NKAIN2: variants seen among roughly 807,000 people sequenced by gnomAD.
NKAIN2 encodes sodium/potassium-transporting ATPase subunit beta-1-interacting protein 2.
NKAIN2 carries 14 observed loss-of-function variants against 32.6 expected under a neutral mutation model. The observed-to-expected ratio is 0.43, with a 90% CI of 0.28 to 0.67. The LOEUF (loss-of-function observed/expected upper bound fraction) is 0.67, where lower values mean the gene tolerates loss of function less well. NKAIN2 is among the 30% of genes least tolerant of loss of function. NKAIN2 has a pLI of 0.17. For missense variants in NKAIN2, 198 were observed against 258.3 expected (o/e 0.77, Z 1.60); for synonymous variants, 80 against 87.2 (o/e 0.92, Z 0.46).
intron 5 of NKAIN2, among the ~76,000 whole-genome samples, chr6:124,799,102 AGAGT>A (rs1216386299): frequency 1.3e-5 from 2 of 152,228 alleles, no homozygotes; most frequent in African/African-American, 4.8e-5. Flanking sequence ...TTTCTAAACA[AGAGT>A]AAGAAAGACA....
chr6:124,813,402 C>T (rs925105627), intron 5 of NKAIN2, among the ~76,000 whole-genome samples: 4 of 152,022 alleles, frequency 2.6e-5, no homozygotes, highest in Admixed American at 6.6e-5. Context: ...GAACAAATAA[C>T]AGAAGGAGGA....
At chr6:123,831,019 T>A (rs1774357599) in intron 1 of NKAIN2, among the ~76,000 whole-genome samples, 1 of 152,228 alleles carries the variant, frequency 6.6e-6, no homozygotes, top group South Asian at 2.1e-4. Context: ...TATTTAAGGT[T>A]ACTTTATGGA....
chr6:124,239,678 A>C (rs1238747253), intron 1 of NKAIN2, among the ~76,000 whole-genome samples: 2 of 152,214 alleles, frequency 1.3e-5, no homozygotes, highest in African/African-American at 4.8e-5. Flanking sequence ...GCAGAAATAA[A>C]GATGTTCTTT....
At chr6:124,589,295 A>G (rs1781823264) in intron 3 of NKAIN2, among the ~76,000 whole-genome samples, 2 of 152,240 alleles carry the variant, frequency 1.3e-5, no homozygotes. Context: ...AGAATTCAAT[A>G]AGTGAATTTT....
At chr6:124,485,433 C>CA (rs1355883168) in intron 3 of NKAIN2, among the ~76,000 whole-genome samples, 1 of 151,322 alleles carries the variant, frequency 6.6e-6, no homozygotes. Context: ...ATTTCTCATT[C>CA]AAAAAAAATT....
intron 1 of NKAIN2, among the ~76,000 whole-genome samples, chr6:123,864,547 T>C (rs942834424): frequency 1.3e-5 from 2 of 152,078 alleles, no homozygotes; most frequent in African/African-American, 4.8e-5. Flanking sequence ...GAGATGTGGA[T>C]GTGGGAAGGT....
At chr6:124,361,863 A>G (rs1799304531) in intron 3 of NKAIN2, among the ~76,000 whole-genome samples, 1 of 152,126 alleles carries the variant, frequency 6.6e-6, no homozygotes, top group South Asian at 2.1e-4. Flanking sequence ...CAACAATGTC[A>G]GTTTTATTTC....
intron 5 of NKAIN2, among the ~76,000 whole-genome samples, chr6:124,804,722 G>A (rs1010830203): frequency 3.3e-5 from 5 of 152,224 alleles, no homozygotes; most frequent in Non-Finnish European, 1.5e-5. Context: ...AAGGGATCAG[G>A]GAGTTCCCTT....
At chr6:124,346,821 T>G (rs1367161264) in intron 2 of NKAIN2, among the ~76,000 whole-genome samples, 1 of 151,958 alleles carries the variant, frequency 6.6e-6, no homozygotes, top group Non-Finnish European at 1.5e-5. Flanking sequence ...ATTGGAGCAT[T>G]TAGTCCATTT....
intron 1 of NKAIN2, among the ~76,000 whole-genome samples, chr6:124,171,852 C>CTT (rs1205322762): frequency 1.2e-4 from 16 of 136,246 alleles, no homozygotes; most frequent in African/African-American, 3.2e-4. Flanking sequence ...GCGGCCGACT[C>CTT]TTTTTTTTTT....
rs936580180 is a variant in NKAIN2, at chr6:124,589,772, T to C, written c.274-68414T>C. ...GTTTGCTGCACCTATCAACTCGTCA[T>C]CTAGGTTTTAAGCCCTGCATGCATT... On this transcript the variant is annotated intron_variant, in intron 3 of 6. Coordinates refer to ENST00000368417, the MANE Select transcript of NKAIN2 (RefSeq NM_001040214.3). Among the ~76,000 whole-genome samples, 9 of 152,234 alleles carry C rather than the reference T, an allele frequency of 5.9e-5. No individual in the cohort carries two copies. In the Middle Eastern group the frequency reaches 0.01, roughly 173 times the overall value.
chr6:124,684,195 G>C (rs1205700873), intron 4 of NKAIN2, among the ~76,000 whole-genome samples: 1 of 152,122 alleles, frequency 6.6e-6, no homozygotes, highest in African/African-American at 2.4e-5. Flanking sequence ...ATACATGTCT[G>C]CTCGAAATTT....
intron 1 of NKAIN2, among the ~76,000 whole-genome samples, chr6:123,990,737 T>G (rs1315542051): frequency 6.6e-6 from 1 of 152,224 alleles, no homozygotes; most frequent in African/African-American, 2.4e-5. Flanking sequence ...AGTTAAGAAT[T>G]TACCCCCATT....
intron 1 of NKAIN2, among the ~76,000 whole-genome samples, chr6:124,007,163 C>T (rs1780112424): frequency 6.6e-6 from 1 of 152,114 alleles, no homozygotes; most frequent in Admixed American, 6.5e-5. Context: ...GAAATTGTAG[C>T]ACAAATGTAA....
chr6:124,300,563 C>T (rs529378494), intron 2 of NKAIN2, among the ~76,000 whole-genome samples: 1 of 152,166 alleles, frequency 6.6e-6, no homozygotes, highest in Non-Finnish European at 1.5e-5. Context: ...GAGTTTGGAA[C>T]AGTTCAGAAG....
At chr6:124,360,623 G>A (rs910230617) in intron 3 of NKAIN2, among the ~76,000 whole-genome samples, 35 of 151,510 alleles carry the variant, frequency 2.3e-4, no homozygotes, top group African/African-American at 7.3e-4. Context: ...ATAATCCACC[G>A]GAGAAACTTT....
At chr6:124,113,321 C>T (rs1785468892) in intron 1 of NKAIN2, among the ~76,000 whole-genome samples, 1 of 152,168 alleles carries the variant, frequency 6.6e-6, no homozygotes, top group Non-Finnish European at 1.5e-5. Flanking sequence ...CTAGATTGTG[C>T]CATCTCCATC....
intron 4 of NKAIN2, among the ~76,000 whole-genome samples, chr6:124,751,406 C>G (rs1401398426): frequency 6.6e-6 from 1 of 151,826 alleles, no homozygotes; most frequent in South Asian, 2.1e-4. Flanking sequence ...AGTCAAGAAG[C>G]CTGCCTGTCT....
intron 1 of NKAIN2, among the ~76,000 whole-genome samples, chr6:123,893,998 C>G (rs1375574796): frequency 6.6e-6 from 1 of 152,168 alleles, no homozygotes; most frequent in Non-Finnish European, 1.5e-5. Context: ...ATTTTAAACT[C>G]AAGTTTCTTC....
Sources: gnomAD v4.1 joint callset for allele counts (sites outside exome capture counted in the v4.1 genomes callset) on GRCh38, gnomAD v4.1.1 for gene constraint, MANE v1.5 for transcripts, NCBI Gene and HGNC (gene_info 2026-07-23, HGNC 2026-07-21) for gene names.